The following FLRT2 variants were observed in gnomAD, a reference collection of about 807,000 sequenced individuals.
FLRT2 encodes the protein leucine-rich repeat transmembrane protein FLRT2.
FLRT2 carries 15 observed loss-of-function variants against 40.0 expected under a neutral mutation model. The observed-to-expected ratio is 0.38, with a 90% CI of 0.25 to 0.58. The LOEUF (loss-of-function observed/expected upper bound fraction) is 0.58. FLRT2 is among the 20% of genes least tolerant of loss of function. FLRT2 has a pLI of 0.71. For missense variants in FLRT2, 726 were observed against 840.0 expected (o/e 0.86, Z 1.68); for synonymous variants, 380 against 336.8 (o/e 1.13, Z -1.41).
At chr14:85,570,039 A>C (rs912712007) in intron 1 of FLRT2, among the ~76,000 whole-genome samples, 2 of 152,152 alleles carry the variant, frequency 1.3e-5, no homozygotes, top group Non-Finnish European at 1.5e-5. Context: ...AGAAAGTGAC[A>C]AGCTTTCACA....
At chr14:85,565,976 G>A (rs921604940) in intron 1 of FLRT2, among the ~76,000 whole-genome samples, 7 of 151,690 alleles carry the variant, frequency 4.6e-5, no homozygotes, top group African/African-American at 7.3e-5. Flanking sequence ...AAAATACACC[G>A]ATTTTTTTGT....
In FLRT2 at chr14:85,635,734, A is replaced by G. The variant is rs1893983923; in HGVS notation, c.*12237A>G. On this transcript the variant is annotated 3_prime_UTR_variant, in exon 2 of 2. Transcript: ENST00000330753. ...TATGGTTTAAAAAAAAGAAAGATGAAAACTTTTTAGAATAATTAGGAAATT... is the reference window on the plus strand; with the variant it reads ...TATGGTTTAAAAAAAAGAAAGATGAGAACTTTTTAGAATAATTAGGAAATT... 1 of 152,102 alleles carries G rather than the reference A, an allele frequency of 6.6e-6. No homozygotes were observed. The highest frequency in any genetic ancestry group is 2.1e-4 in the South Asian group (1 of 4,830). The allele number at this position is 152,102 out of a possible 1,614,324, so 9.4% of individuals were successfully genotyped here. A position where few individuals can be genotyped will look rare whatever the true frequency, so the allele number is the denominator to read the frequency against.
chr14:85,621,525 A>G lies in FLRT2; in HGVS notation c.11A>G (p.Gln4Arg), dbSNP rs1323710547. 4 of 1,608,594 alleles carry G rather than the reference A, an allele frequency of 2.5e-6. No individual in the cohort carries two copies. The highest frequency in any genetic ancestry group is 2.2e-5 in the East Asian group (1 of 44,778). Residue 4 changes from glutamine (Q) to arginine (R), a missense_variant, in exon 2 of 2, where the codon CAG (glutamine) becomes CGG (arginine). Physicochemically the swap from Gln to Arg is conservative, Grantham distance 43. Coordinates refer to ENST00000330753, the MANE Select transcript of FLRT2 (RefSeq NM_013231.6). MGL[Q>R]TTKWPSHGAF... ...TTCCGTACTTCAGAAATGGGCCTAC[A>G]GACCACAAAGTGGCCCAGCCATGGG... is the stretch of plus-strand genomic sequence containing the variant.
rs962776824 is a variant in FLRT2, at chr14:85,630,262, T to C, written c.*6765T>C. The C allele has an allele frequency of 6.8e-6, 1 of 146,134 alleles. No individual in the cohort carries two copies. Among genetic ancestry groups the C allele is most frequent in the African/African-American group, 2.5e-5 (1 of 40,038 alleles). The allele number at this position is 146,134 out of a possible 1,614,324, so 9.1% of individuals were successfully genotyped here. A position where few individuals can be genotyped will look rare whatever the true frequency, so the allele number is the denominator to read the frequency against. On this transcript the variant is annotated 3_prime_UTR_variant, in exon 2 of 2. Transcript: ENST00000330753. ...ACTATATGTCATTTTAGCACACACATACCAATGGGTGATCATATCTGTCTT... is the reference window on the plus strand; with the variant it reads ...ACTATATGTCATTTTAGCACACACACACCAATGGGTGATCATATCTGTCTT...
chr14:85,636,390 G>GAAAAAAAAAAAAAAAAA lies in FLRT2; in HGVS notation c.*12895_*12911dup, dbSNP rs35764416. The GAAAAAAAAAAAAAAAAA allele has an allele frequency of 6.6e-5, 5 of 75,314 alleles. No homozygotes were observed. Among genetic ancestry groups the GAAAAAAAAAAAAAAAAA allele is most frequent in the East Asian group, 4.2e-4 (1 of 2,398 alleles). 4.7% of individuals were successfully genotyped at this position (75,314 alleles called of 1,614,324 possible). A position where few individuals can be genotyped will look rare whatever the true frequency, so the allele number is the denominator to read the frequency against. On this transcript the variant is annotated 3_prime_UTR_variant, in exon 2 of 2. Coordinates refer to ENST00000330753, the MANE Select transcript of FLRT2 (RefSeq NM_013231.6). ...AAAATCAAAGGTGAAGTCACCTGCA[G>GAAAAAAAAAAAAAAAAA]AAAAAAAAAAAAAAAAAACAAAAAA... is the stretch of plus-strand genomic sequence containing the variant.
chr14:85,636,003 A>T lies in FLRT2; in HGVS notation c.*12506A>T, dbSNP rs2139391264. 1 of 152,208 alleles carries T rather than the reference A, an allele frequency of 6.6e-6. No homozygotes were observed. The highest frequency in any genetic ancestry group is 2.4e-5 in the African/African-American group (1 of 41,558). 9.4% of individuals were successfully genotyped at this position (152,208 alleles called of 1,614,324 possible). On this transcript the variant is annotated 3_prime_UTR_variant, in exon 2 of 2. Transcript: ENST00000330753. ...ATAATAGTCTAATGATTGATATTTT[A>T]AATTAATGGCTTGTAATTGTGTAAT...
At chr14:85,608,750 T>G (rs1892736218) in intron 1 of FLRT2, among the ~76,000 whole-genome samples, 1 of 152,198 alleles carries the variant, frequency 6.6e-6, no homozygotes, top group Admixed American at 6.5e-5. Context: ...TGCACGACCC[T>G]TCTCTTCTTG....
chr14:85,581,223 G>A (rs1891372027), intron 1 of FLRT2, among the ~76,000 whole-genome samples: 1 of 152,108 alleles, frequency 6.6e-6, no homozygotes. Context: ...ATGGAAATGA[G>A]GCTTATGCAA....
In FLRT2 at chr14:85,627,130, C is replaced by T. The variant is rs552653945; in HGVS notation, c.*3633C>T. The T allele has an allele frequency of 1.2e-5, 2 of 167,190 alleles. No homozygotes were observed. Among genetic ancestry groups the T allele is most frequent in the East Asian group, 1.9e-4 (1 of 5,180 alleles). 10.4% of individuals were successfully genotyped at this position (167,190 alleles called of 1,614,324 possible). ...TATAGCATTTTTCTCTAACCTATAA[C>T]AAGGAGACATTACATTTTACTTTAG... On this transcript the variant is annotated 3_prime_UTR_variant, in exon 2 of 2. Transcript: ENST00000330753.
At position 85,651,994 on chromosome 14, in the gene FLRT2, C is replaced by T. The variant is rs1357637273; in HGVS notation, c.*28497C>T. On this transcript the variant is annotated 3_prime_UTR_variant, in exon 2 of 2. Transcript: ENST00000330753. Reference sequence around the variant, plus strand: ...TGGAAAATACATCTTAAAAAGTCTTCTGTGTAAAACATGGGACTCAAAACA... The same window carrying T: ...TGGAAAATACATCTTAAAAAGTCTTTTGTGTAAAACATGGGACTCAAAACA... 1.3e-5 allele frequency: 2 copies of T among 151,938 alleles called. No homozygotes were observed. The highest frequency in any genetic ancestry group is 2.4e-5 in the African/African-American group (1 of 41,398). 9.4% of individuals were successfully genotyped at this position (151,938 alleles called of 1,614,324 possible). A position where few individuals can be genotyped will look rare whatever the true frequency, so the allele number is the denominator to read the frequency against.
rs1188198854 is a variant in FLRT2 at position 85,639,108 on chromosome 14, GTC to G, written c.*15615_*15616del. On this transcript the variant is annotated 3_prime_UTR_variant, in exon 2 of 2. Transcript: ENST00000330753. ...ACCAAAAGAATTTCCAGAGCAGGCA[GTC>G]TCTATTCTGTAACAAGGTTTTCTCA... 2.0e-5 allele frequency: 3 copies of G among 152,166 alleles called. No individual in the cohort carries two copies. Among genetic ancestry groups the G allele is most frequent in the Admixed American group, 2.0e-4 (3 of 15,278 alleles). 9.4% of individuals were successfully genotyped at this position (152,166 alleles called of 1,614,324 possible).
chr14:85,598,776 G>A (rs1036319989), intron 1 of FLRT2, among the ~76,000 whole-genome samples: 6 of 152,182 alleles, frequency 3.9e-5, no homozygotes, highest in Non-Finnish European at 4.4e-5. Context: ...AGACAAAGAT[G>A]TAGGTCTTCG....
At position 85,627,924 on chromosome 14, in the gene FLRT2, C is replaced by A. The variant is rs1893759117; in HGVS notation, c.*4427C>A. ...AGTAAAGTCTTATTTTAAAAGAAAA[C>A]CACATTGTGTTTATCTGAGTAAGTT... On this transcript the variant is annotated 3_prime_UTR_variant, in exon 2 of 2. Coordinates refer to ENST00000330753, the MANE Select transcript of FLRT2 (RefSeq NM_013231.6). 6.0e-6 allele frequency: 1 copy of A among 166,950 alleles called. No homozygotes were observed. The highest frequency in any genetic ancestry group is 1.5e-5 in the Non-Finnish European group (1 of 68,100). 10.3% of individuals were successfully genotyped at this position (166,950 alleles called of 1,614,324 possible).
chr14:85,532,893 G>C (rs958703105), intron 1 of FLRT2, among the ~76,000 whole-genome samples: 2 of 152,268 alleles, frequency 1.3e-5, no homozygotes, highest in Admixed American at 6.5e-5. Context: ...CCATTAAGCA[G>C]GTATGGGGAA....
chr14:85,544,477 C>G (rs1357853378), intron 1 of FLRT2, among the ~76,000 whole-genome samples: 1 of 152,178 alleles, frequency 6.6e-6, no homozygotes, highest in African/African-American at 2.4e-5. Context: ...TGCATTTGCT[C>G]TCTTCTTTAT....
chr14:85,638,310 G>C lies in FLRT2; in HGVS notation c.*14813G>C, dbSNP rs1479993262. On this transcript the variant is annotated 3_prime_UTR_variant, in exon 2 of 2. Coordinates refer to ENST00000330753, the MANE Select transcript of FLRT2 (RefSeq NM_013231.6). ...CTTTCGCCCAGGCTGAAGACAGAGT[G>C]CTTTCCCATGGTTCTGTCTTTTTCT... is the stretch of plus-strand genomic sequence containing the variant. 1 of 152,326 alleles carries C rather than the reference G, an allele frequency of 6.6e-6. No homozygotes were observed. Among genetic ancestry groups the C allele is most frequent in the Non-Finnish European group, 1.5e-5 (1 of 68,082 alleles). 9.4% of individuals were successfully genotyped at this position (152,326 alleles called of 1,614,324 possible).
At chr14:85,570,064 GTA>G (rs1389675493) in intron 1 of FLRT2, among the ~76,000 whole-genome samples, 1 of 152,146 alleles carries the variant, frequency 6.6e-6, no homozygotes. Flanking sequence ...ATAAGACTGT[GTA>G]TCTCCACCAT....
In FLRT2 at chr14:85,633,413, T is replaced by C. The variant is rs1473798983; in HGVS notation, c.*9916T>C. ...GTTGCTAGAGTACACATAGATGTAG[T>C]TATTGCTGAAAATTAATTCAGAATA... is the stretch of plus-strand genomic sequence containing the variant. On this transcript the variant is annotated 3_prime_UTR_variant, in exon 2 of 2. Transcript: ENST00000330753. 6.6e-6 allele frequency: 1 copy of C among 152,186 alleles called. No homozygotes were observed. Among genetic ancestry groups the C allele is most frequent in the East Asian group, 1.9e-4 (1 of 5,198 alleles). The allele number at this position is 152,186 out of a possible 1,614,324, so 9.4% of individuals were successfully genotyped here.
rs1893626125 is a variant in FLRT2, at chr14:85,625,252, A to G, written c.*1755A>G. 1.2e-5 allele frequency: 2 copies of G among 167,076 alleles called. No individual in the cohort carries two copies. Among genetic ancestry groups the G allele is most frequent in the South Asian group, 2.1e-4 (1 of 4,830 alleles). The allele number at this position is 167,076 out of a possible 1,614,324, so 10.3% of individuals were successfully genotyped here. A position where few individuals can be genotyped will look rare whatever the true frequency, so the allele number is the denominator to read the frequency against. On this transcript the variant is annotated 3_prime_UTR_variant, in exon 2 of 2. Transcript: ENST00000330753. ...CTCTGTGCTGCATATTTCTTTTACC[A>G]TTGACCATTATTATAGGGACCCATG...
Sources: gnomAD v4.1 joint callset for allele counts (sites outside exome capture counted in the v4.1 genomes callset) on GRCh38, gnomAD v4.1.1 for gene constraint, MANE v1.5 for transcripts, NCBI Gene and HGNC (gene_info 2026-07-23, HGNC 2026-07-21) for gene names.